The following SYNE2 variants were observed in gnomAD, a reference collection of about 807,000 sequenced individuals.
The protein encoded by SYNE2 is spectrin repeat containing nuclear envelope protein 2, also known as nesprin-2.
Under a neutral mutation model 856.3 loss-of-function variants are expected in SYNE2, and 431 were observed. The observed-to-expected ratio is 0.50, with a 90% confidence interval of 0.47 to 0.55. SYNE2 has a LOEUF of 0.55. SYNE2 is among the 20% of genes least tolerant of loss of function. The pLI is 0.00. For synonymous variants in SYNE2, 2,923 were observed against 2,872.3 expected, an observed-to-expected ratio of 1.02 and a Z score of -0.56; for missense variants, 8,129 against 8,023.2, an observed-to-expected ratio of 1.01 and a Z score of -0.50.
chr14:63,875,802 C>T (rs6573536), intron 1 of SYNE2, among the ~76,000 whole-genome samples: 89,218 of 151,962 alleles, frequency 0.59, 26,474 homozygotes, highest in South Asian at 0.69. Context: ...TTAAGAGGTA[C>T]ATTTGAGGGA....
At chr14:63,818,065 A>G (rs12588087) in intron 1 of SYNE2, among the ~76,000 whole-genome samples, 91,992 of 145,582 alleles carry the variant, frequency 0.63, 29,379 homozygotes, top group South Asian at 0.77. Flanking sequence ...TAAAAATTAG[A>G]CCAGGCCAAG....
chr14:64,075,691 T>G (rs1449259199), intron 53 of SYNE2: 7 of 406,844 alleles, frequency 1.7e-5, no homozygotes, highest in East Asian at 4.9e-5. Flanking sequence ...AAGCAGGGGG[T>G]GTTGTAATGT....
chr14:64,015,494 A>G (rs996812425), intron 32 of SYNE2, among the ~76,000 whole-genome samples: 2 of 152,134 alleles, frequency 1.3e-5, no homozygotes. Flanking sequence ...TTGTAGCATT[A>G]ACTTATTATC....
rs1442241383 is a variant in SYNE2 at position 64,029,912 on chromosome 14, G to C, written c.6732G>C (p.Leu2244Phe). The C allele has an allele frequency of 8.7e-6, 14 of 1,613,662 alleles. No individual in the cohort carries two copies. Among genetic ancestry groups the C allele is most frequent in the African/African-American group, 2.7e-5 (2 of 74,894 alleles). ...ATTTTTAGGATTCTGTGCAAAACTTGGACGGTCACGTTCGAGAACATGATT... is the reference window on the plus strand; with the variant it reads ...ATTTTTAGGATTCTGTGCAAAACTTCGACGGTCACGTTCGAGAACATGATT... Reference protein sequence around the residue: ...LQQLQDSVQNLDGHVREHDSY... With the variant: ...LQQLQDSVQNFDGHVREHDSY... Residue 2244 changes from leucine to phenylalanine, a missense_variant, in exon 44 of 116, where the codon TTG becomes TTC. Leu to Phe is a conservative substitution (Grantham distance 22). Around this residue, in one of 3 missense-constraint regions of SYNE2, gnomAD observed 297 missense variants for 380.9 expected, o/e 0.78. Coordinates refer to ENST00000555002, the MANE Select transcript of SYNE2 (RefSeq NM_182914.3).
chr14:64,026,776 T>A, intron 42 of SYNE2, 46 bp downstream of exon 42: 1 of 1,569,936 alleles, frequency 6.4e-7, no homozygotes, highest in Non-Finnish European at 8.7e-7. Flanking sequence ...CATTGCCCAG[T>A]GAAGCCATAA....
chr14:64,014,291 T>C (rs1594866445), intron 32 of SYNE2, among the ~76,000 whole-genome samples: 1 of 152,216 alleles, frequency 6.6e-6, no homozygotes, highest in African/African-American at 2.4e-5. Flanking sequence ...CTGGGTTCTT[T>C]CCAATTTTGG....
At position 63,995,916 on chromosome 14, in the gene SYNE2, C is replaced by T. The variant is rs1275984041; in HGVS notation, c.2940+714C>T. Among the ~76,000 whole-genome samples, 3 of 152,136 alleles carry T rather than the reference C, an allele frequency of 2.0e-5. No individual in the cohort carries two copies. The South Asian group carries it at 6.2e-4, about 32-fold the overall frequency. On this transcript the variant is annotated intron_variant, in intron 23 of 115. Coordinates refer to ENST00000555002, the MANE Select transcript of SYNE2 (RefSeq NM_182914.3). Reference sequence around the variant, plus strand: ...AAGGGGTCTCCACCTCCACTTTTGGCTAATTCCGTGCTTCCCTTAGGCGAT... The same window carrying T: ...AAGGGGTCTCCACCTCCACTTTTGGTTAATTCCGTGCTTCCCTTAGGCGAT...
chr14:64,225,987 C>T lies in SYNE2; in HGVS notation c.*461C>T, dbSNP rs143053440. ...TGGAAACAATCAATCATATTTAATA[C>T]GCTTAGAATCAGTTTTACTCCAATC... On this transcript the variant is annotated 3_prime_UTR_variant, in exon 116 of 116. Transcript: ENST00000555002. 285 of 260,472 alleles carry T rather than the reference C, an allele frequency of 1.1e-3. No individual in the cohort carries two copies. The highest frequency in any genetic ancestry group is 5.3e-3 in the African/African-American group (244 of 46,026). 16.1% of individuals were successfully genotyped at this position (260,472 alleles called of 1,614,324 possible). A position where few individuals can be genotyped will look rare whatever the true frequency, so the allele number is the denominator to read the frequency against.
At chr14:63,992,879 G>A (rs1201309605) in intron 21 of SYNE2, among the ~76,000 whole-genome samples, 2 of 152,098 alleles carry the variant, frequency 1.3e-5, no homozygotes, top group South Asian at 4.1e-4. Flanking sequence ...ACCTGCAGCC[G>A]GTCCATAAAA....
In SYNE2 at chr14:63,967,702, A is replaced by T. The variant is rs1012917106; in HGVS notation, c.991-7A>T. 6.2e-7 allele frequency: 1 copy of T among 1,613,756 alleles called. No individual in the cohort carries two copies. The highest frequency in any genetic ancestry group is 1.3e-5 in the African/African-American group (1 of 75,054). Reference sequence around the variant, plus strand: ...TTTCAATCTTTAAAATACTCTTCTAATTGCAGAGCCTGCTGTCCTTTATGG... The same window carrying T: ...TTTCAATCTTTAAAATACTCTTCTATTTGCAGAGCCTGCTGTCCTTTATGG... On this transcript the variant is annotated splice_polypyrimidine_tract_variant and splice_region_variant and intron_variant, in intron 10 of 115. Coordinates refer to ENST00000555002, the MANE Select transcript of SYNE2 (RefSeq NM_182914.3).
chr14:63,974,914 A>ATATATGTATG (rs1260422403), intron 11 of SYNE2, among the ~76,000 whole-genome samples: 1 of 85,522 alleles, frequency 1.2e-5, no homozygotes, highest in Non-Finnish European at 2.3e-5. Flanking sequence ...ATATATATAT[A>ATATATGTATG]TATGTATCTT....
chr14:63,932,366 G>A (rs1032455931), intron 2 of SYNE2, among the ~76,000 whole-genome samples: 13 of 152,018 alleles, frequency 8.6e-5, no homozygotes, highest in Non-Finnish European at 1.9e-4. Flanking sequence ...TGGGTGACAA[G>A]AGTGAAACTC....
At chr14:64,216,112 T>C in intron 107 of SYNE2, 136 bp from the exon 108 acceptor site, 1 of 1,549,752 alleles carries the variant, frequency 6.5e-7, no homozygotes, top group Non-Finnish European at 8.7e-7. Flanking sequence ...TTCTGGGACA[T>C]ACTGACATTT....
At chr14:63,937,118 G>C (rs185760137) in intron 2 of SYNE2, among the ~76,000 whole-genome samples, 23 of 152,218 alleles carry the variant, frequency 1.5e-4, no homozygotes, top group Admixed American at 1.1e-3. Context: ...GTGTGTCATC[G>C]AGGACCTTGA....
chr14:64,021,767 G>C, intron 36 of SYNE2, 90 bp from the exon 37 acceptor site: 1 of 1,434,096 alleles, frequency 7.0e-7, no homozygotes, highest in East Asian at 2.3e-5. Context: ...GAGTCATTGA[G>C]ATTTTTACAA....
intron 70 of SYNE2, 167 bp downstream of exon 70, chr14:64,122,594 T>C: frequency 1.2e-6 from 1 of 842,308 alleles, no homozygotes; most frequent in South Asian, 1.5e-5. Flanking sequence ...GAACCCTTCC[T>C]TTGTGCTTCT....
At position 64,146,573 on chromosome 14, in the gene SYNE2, G is replaced by C. The variant is rs543813678; in HGVS notation, c.15639+350G>C. On this transcript the variant is annotated intron_variant, in intron 84 of 115. Coordinates refer to ENST00000555002, the MANE Select transcript of SYNE2 (RefSeq NM_182914.3). ...CTAATGTTACAAAATTACTCTAAAG[G>C]TTTCATTATTTTTAGCATTTCATTC... Among the ~76,000 whole-genome samples, 9 of 152,240 alleles carry C rather than the reference G, an allele frequency of 5.9e-5. 1 individual carries two copies. In the South Asian group the frequency reaches 1.9e-3, roughly 32 times the overall value.
chr14:64,032,824 A>C (rs2097051471), intron 45 of SYNE2, among the ~76,000 whole-genome samples: 1 of 152,178 alleles, frequency 6.6e-6, no homozygotes, highest in South Asian at 2.1e-4. Flanking sequence ...TCAGTGAGTG[A>C]GGCTCTTGAT....
At chr14:64,124,363 A>T (rs2097920819) in intron 70 of SYNE2, among the ~76,000 whole-genome samples, 1 of 149,450 alleles carries the variant, frequency 6.7e-6, no homozygotes, top group South Asian at 2.1e-4. Context: ...AGCTACTTTA[A>T]AAATTTTTGT....
Sources: gnomAD v4.1 joint callset for allele counts (sites outside exome capture counted in the v4.1 genomes callset) on GRCh38, gnomAD v4.1.1 for gene constraint, gnomAD v4.1.1 regional missense constraint, MANE v1.5 for transcripts, NCBI Gene and HGNC (gene_info 2026-07-23, HGNC 2026-07-21) for gene names.